OLFM2: variants seen among roughly 807,000 people sequenced by gnomAD.
OLFM2 encodes the protein noelin-2.
In OLFM2, 20 loss-of-function variants were observed where a neutral mutation model predicts 43.9. The observed-to-expected ratio is 0.46, with a 90% CI of 0.32 to 0.66. The LOEUF (loss-of-function observed/expected upper bound fraction) is 0.66, where lower values mean the gene tolerates loss of function less well. Among genes scored for constraint, OLFM2 ranks in the 30% least tolerant of loss-of-function variants. The pLI is 0.04. For synonymous variants in OLFM2, 268 were observed against 278.6 expected (o/e 0.96, Z 0.38); for missense variants, 416 against 643.6 (o/e 0.65, Z 3.83).
At chr19:9,899,788 A>T (rs1173258184) in intron 1 of OLFM2, among the ~76,000 whole-genome samples, 1 of 151,920 alleles carries the variant, frequency 6.6e-6, no homozygotes, top group African/African-American at 2.4e-5. Context: ...CCTGGGACCA[A>T]GCAATCCTCC....
chr19:9,906,391 A>G (rs2046786195), intron 1 of OLFM2, among the ~76,000 whole-genome samples: 1 of 152,130 alleles, frequency 6.6e-6, no homozygotes, highest in Admixed American at 6.6e-5. Flanking sequence ...GAAGGACACC[A>G]TTCCATCCGT....
intron 1 of OLFM2, among the ~76,000 whole-genome samples, chr19:9,868,061 C>A (rs2046416324): frequency 6.9e-6 from 1 of 145,838 alleles, no homozygotes; most frequent in Admixed American, 6.8e-5. Flanking sequence ...AGCCACTAAA[C>A]CAGGCTAATT....
intron 1 of OLFM2, among the ~76,000 whole-genome samples, chr19:9,894,858 G>A (rs1043747152): frequency 1.3e-5 from 2 of 152,074 alleles, no homozygotes; most frequent in African/African-American, 4.8e-5. Flanking sequence ...ACACCTGCCT[G>A]TATATATGTC....
chr19:9,903,964 T>G (rs559528776), intron 1 of OLFM2, among the ~76,000 whole-genome samples: 2 of 152,192 alleles, frequency 1.3e-5, no homozygotes, highest in South Asian at 2.1e-4. Context: ...ATCACCAGAT[T>G]TGTCATTATA....
At chr19:9,880,985 C>T (rs2046535314) in intron 1 of OLFM2, among the ~76,000 whole-genome samples, 1 of 152,118 alleles carries the variant, frequency 6.6e-6, no homozygotes, top group Non-Finnish European at 1.5e-5. Flanking sequence ...GCAGCCTCTG[C>T]CTCCCAGGTT....
At chr19:9,894,376 C>CAGTAAT (rs58964211) in intron 1 of OLFM2, among the ~76,000 whole-genome samples, 10 of 118,278 alleles carry the variant, frequency 8.5e-5, no homozygotes, top group African/African-American at 1.9e-4. Flanking sequence ...GACTCTCTCT[C>CAGTAAT]AATAATAATA....
At chr19:9,866,255 G>C (rs1219599318) in intron 1 of OLFM2, among the ~76,000 whole-genome samples, 1 of 152,144 alleles carries the variant, frequency 6.6e-6, no homozygotes, top group African/African-American at 2.4e-5. Flanking sequence ...CATGTCCCTA[G>C]GAACCGCTGG....
intron 1 of OLFM2, among the ~76,000 whole-genome samples, chr19:9,868,069 A>ATT (rs59081480): frequency 0.12 from 18,186 of 147,138 alleles, 1,300 homozygotes; most frequent in Middle Eastern, 0.2. Flanking sequence ...AACCAGGCTA[A>ATT]TTTTTTTTTT....
rs2046656055 is a variant in OLFM2 at position 9,893,550 on chromosome 19, G to A, written c.64-32756C>T. Among the ~76,000 whole-genome samples the A allele has an allele frequency of 1.3e-5, 2 of 152,138 alleles. 1 individual carries two copies. Among genetic ancestry groups the A allele is most frequent in the South Asian group, 4.1e-4 (2 of 4,832 alleles). On this transcript the variant is annotated intron_variant, in intron 1 of 5. Transcript: ENST00000264833. The stretch of plus-strand genomic sequence containing the variant: ...AACCCCCCGTCTTGGAACCTGAGCT[G>A]AGCCTGGTCTATCTCAGTACCTGGG...
intron 1 of OLFM2, among the ~76,000 whole-genome samples, chr19:9,922,294 A>G (rs60052891): frequency 6.8e-6 from 1 of 146,888 alleles, no homozygotes; most frequent in East Asian, 2.0e-4. Context: ...ACACACACAC[A>G]TTCCTACAAA....
intron 1 of OLFM2, among the ~76,000 whole-genome samples, chr19:9,911,635 CAA>C (rs952231833): frequency 7.2e-5 from 11 of 152,158 alleles, no homozygotes; most frequent in African/African-American, 2.4e-4. Context: ...CATATGCACA[CAA>C]AGATACTTGC....
At chr19:9,916,113 T>C (rs2046874323) in intron 1 of OLFM2, among the ~76,000 whole-genome samples, 2 of 152,130 alleles carry the variant, frequency 1.3e-5, no homozygotes, top group Non-Finnish European at 2.9e-5. Context: ...TCCCAGCACT[T>C]TGGGAGGCCG....
chr19:9,933,552 C>CTTTTT (rs34411076), intron 1 of OLFM2, among the ~76,000 whole-genome samples: 3 of 79,002 alleles, frequency 3.8e-5, no homozygotes, highest in African/African-American at 5.9e-5. Context: ...TCACTCTAAT[C>CTTTTT]TTTTTTTTTT....
intron 1 of OLFM2, among the ~76,000 whole-genome samples, chr19:9,903,317 C>T (rs1348616541): frequency 1.3e-5 from 2 of 152,160 alleles, no homozygotes; most frequent in African/African-American, 4.8e-5. Context: ...TCCCTGTGAA[C>T]ACCCATGGCC....
rs1006223308 is a variant in OLFM2, at chr19:9,914,825, T to C, written c.63+21479A>G. Among the ~76,000 whole-genome samples, 12 of 152,008 alleles carry C rather than the reference T, an allele frequency of 7.9e-5. No homozygotes were observed. The South Asian group carries it at 2.5e-3, about 32-fold the overall frequency. ...CTGTTTTGCCTGCACTCACGCCCCCTCCTGGCGTCCCCGCATCACCTCGCT... is the reference window on the plus strand; with the variant it reads ...CTGTTTTGCCTGCACTCACGCCCCCCCCTGGCGTCCCCGCATCACCTCGCT... On this transcript the variant is annotated intron_variant, in intron 1 of 5. Transcript: ENST00000264833.
chr19:9,913,041 T>G (rs925495748), intron 1 of OLFM2, among the ~76,000 whole-genome samples: 1 of 150,182 alleles, frequency 6.7e-6, no homozygotes, highest in African/African-American at 2.5e-5. Flanking sequence ...GTGGAGACAC[T>G]CGGAAACCCC....
At chr19:9,936,257 C>G in intron 1 of OLFM2, 47 bp downstream of exon 1, 18 of 1,524,050 alleles carry the variant, frequency 1.2e-5, no homozygotes, top group Non-Finnish European at 1.6e-5. Flanking sequence ...GCGCCCCCCT[C>G]CTCTCCCGGA....
chr19:9,909,710 G>A (rs1314631106), intron 1 of OLFM2, among the ~76,000 whole-genome samples: 1 of 152,058 alleles, frequency 6.6e-6, no homozygotes, highest in Non-Finnish European at 1.5e-5. Context: ...TAAACCTTCC[G>A]ACATCTCCTC....
intron 1 of OLFM2, among the ~76,000 whole-genome samples, chr19:9,884,174 G>T (rs2046565550): frequency 6.6e-6 from 1 of 150,810 alleles, no homozygotes; most frequent in African/African-American, 2.4e-5. Flanking sequence ...GAGGCTGAAA[G>T]AGGAGGATCA....
Sources: gnomAD v4.1 joint callset for allele counts (sites outside exome capture counted in the v4.1 genomes callset) on GRCh38, gnomAD v4.1.1 for gene constraint, MANE v1.5 for transcripts, NCBI Gene and HGNC (gene_info 2026-07-23, HGNC 2026-07-21) for gene names.